Variants in CMC1 observed in about 807,000 individuals in gnomAD.
CMC1 encodes the protein COX assembly mitochondrial protein homolog.
In CMC1, 14 loss-of-function variants were observed where a neutral mutation model predicts 14.1. That is an observed-to-expected ratio of 0.99 (90% CI 0.66 to 1.55). CMC1 has a LOEUF of 1.55. Among genes scored for constraint, CMC1 ranks in the 40% most tolerant of loss-of-function variants. The pLI, the probability that CMC1 is intolerant of heterozygous loss-of-function variation, is 0.00. For missense variants in CMC1, 127 were observed against 123.8 expected, an observed-to-expected ratio of 1.03 and a Z score of -0.12; for synonymous variants, 50 against 38.4, an observed-to-expected ratio of 1.30 and a Z score of -1.12.
intron 3 of CMC1, chr3:28,319,250 T>TGGG (rs753567852): frequency 1.4e-5 from 7 of 517,142 alleles, no homozygotes; most frequent in South Asian, 1.1e-4. Context: ...TCTTTACTTG[T>TGGG]CCTTTACACC....
At chr3:28,280,911 A>T (rs1700855354) in intron 2 of CMC1, among the ~76,000 whole-genome samples, 1 of 152,214 alleles carries the variant, frequency 6.6e-6, no homozygotes, top group South Asian at 2.1e-4. Context: ...ATCTCTGTAA[A>T]CAAAGTTGTT....
At chr3:28,269,151 A>C (rs1700147477) in intron 2 of CMC1, among the ~76,000 whole-genome samples, 1 of 152,132 alleles carries the variant, frequency 6.6e-6, no homozygotes. Context: ...TATACATAGG[A>C]TTTGGTAGTA....
At chr3:28,308,567 T>A (rs772667176) in intron 2 of CMC1, among the ~76,000 whole-genome samples, 4 of 152,216 alleles carry the variant, frequency 2.6e-5, no homozygotes, top group Admixed American at 1.3e-4. Flanking sequence ...GATCAAATGA[T>A]CCTAGTTGAT....
At chr3:28,266,122 A>G (rs1699991214) in intron 2 of CMC1, among the ~76,000 whole-genome samples, 1 of 152,154 alleles carries the variant, frequency 6.6e-6, no homozygotes, top group African/African-American at 2.4e-5. Flanking sequence ...AGCTTACATG[A>G]TACCCTCTTT....
chr3:28,253,362 A>G (rs559870798), intron 1 of CMC1, among the ~76,000 whole-genome samples: 1 of 152,256 alleles, frequency 6.6e-6, no homozygotes, highest in South Asian at 2.1e-4. Context: ...GGATCGCTTG[A>G]GTCCAGGAGT....
At chr3:28,290,527 G>A (rs1701419116) in intron 2 of CMC1, among the ~76,000 whole-genome samples, 1 of 152,068 alleles carries the variant, frequency 6.6e-6, no homozygotes, top group African/African-American at 2.4e-5. Context: ...CCTACCATAG[G>A]TGACGTGATT....
At chr3:28,285,475 T>C (rs1701125684) in intron 2 of CMC1, among the ~76,000 whole-genome samples, 1 of 151,964 alleles carries the variant, frequency 6.6e-6, no homozygotes, top group Non-Finnish European at 1.5e-5. Context: ...AGCTAAGTAA[T>C]GTGTACATAA....
intron 2 of CMC1, among the ~76,000 whole-genome samples, chr3:28,293,306 A>G (rs1606387): frequency 0.21 from 31,259 of 148,788 alleles, 4,036 homozygotes; most frequent in Non-Finnish European, 0.29. Flanking sequence ...AAATAGAGGG[A>G]CTTTTTTTTT....
At chr3:28,258,456 G>T (rs1699539381) in intron 1 of CMC1, among the ~76,000 whole-genome samples, 2 of 147,708 alleles carry the variant, frequency 1.4e-5, no homozygotes, top group Admixed American at 6.7e-5. Flanking sequence ...AATTTTTGTG[G>T]TTACTGTGAA....
chr3:28,276,478 T>G (rs1398921232), intron 2 of CMC1, among the ~76,000 whole-genome samples: 2 of 152,202 alleles, frequency 1.3e-5, no homozygotes, highest in African/African-American at 2.4e-5. Flanking sequence ...AATACTTCAT[T>G]AACAATATTT....
At position 28,319,650 on chromosome 3, in the gene CMC1, CA is replaced by C. The variant is rs779837978; in HGVS notation, c.*22del. The C allele has an allele frequency of 1.9e-5, 30 of 1,582,450 alleles. No homozygotes were observed. The African/African-American group carries it at 2.7e-4, about 14-fold the overall frequency. On this transcript the variant is annotated 3_prime_UTR_variant, in exon 4 of 4. Coordinates refer to ENST00000466830, the MANE Select transcript of CMC1 (RefSeq NM_182523.2). ...TGTAGGCAGATACTCAAATGACATTCAGGAACTCTAATATTCATGGAAGTCA... is the reference window on the plus strand; with the variant it reads ...TGTAGGCAGATACTCAAATGACATTCGGAACTCTAATATTCATGGAAGTCA...
At chr3:28,297,463 C>G (rs1224523972) in intron 2 of CMC1, among the ~76,000 whole-genome samples, 1 of 151,960 alleles carries the variant, frequency 6.6e-6, no homozygotes, top group Non-Finnish European at 1.5e-5. Flanking sequence ...CTAGGTTCTA[C>G]AATGCTATTT....
At chr3:28,243,369 TCTGAA>T in intron 1 of CMC1, among the ~76,000 whole-genome samples, 1 of 152,326 alleles carries the variant, frequency 6.6e-6, no homozygotes, top group African/African-American at 2.4e-5. Flanking sequence ...TTATGGTACT[TCTGAA>T]CTTGAAGTGA....
intron 2 of CMC1, chr3:28,298,391 C>CATGTTAT (rs1029480299): frequency 2.7e-5 from 4 of 149,868 alleles, no homozygotes; most frequent in African/African-American, 9.8e-5. Context: ...GGTTAATAAC[C>CATGTTAT]TAGTTTGTGA....
At chr3:28,258,870 G>T (rs1435092311) in intron 1 of CMC1, among the ~76,000 whole-genome samples, 1 of 151,812 alleles carries the variant, frequency 6.6e-6, no homozygotes, top group Admixed American at 6.6e-5. Context: ...TGATCCGCCC[G>T]CCTCGGCCTC....
chr3:28,252,604 A>G (rs1244748322), intron 1 of CMC1, among the ~76,000 whole-genome samples: 2 of 152,158 alleles, frequency 1.3e-5, no homozygotes, highest in African/African-American at 2.4e-5. Flanking sequence ...TGCTGGTTCA[A>G]ATGGTGCTTC....
intron 1 of CMC1, among the ~76,000 whole-genome samples, chr3:28,250,471 G>T (rs956611561): frequency 2.6e-5 from 4 of 152,164 alleles, no homozygotes; most frequent in South Asian, 2.1e-4. Flanking sequence ...AGATTGCTTT[G>T]AGCTTTCTGA....
intron 1 of CMC1, among the ~76,000 whole-genome samples, chr3:28,246,420 A>T (rs905788233): frequency 6.6e-6 from 1 of 152,156 alleles, no homozygotes. Flanking sequence ...GAAGCATGAA[A>T]TGATCTGTAA....
In CMC1 at chr3:28,273,248, T is replaced by G. The variant is rs147724505; in HGVS notation, c.109+9868T>G. Among the ~76,000 whole-genome samples, 94 of 152,358 alleles carry G rather than the reference T, an allele frequency of 6.2e-4. No homozygotes were observed. In the East Asian group the frequency reaches 0.012, roughly 20 times the overall value. On this transcript the variant is annotated intron_variant, in intron 2 of 3. Coordinates refer to ENST00000466830, the MANE Select transcript of CMC1 (RefSeq NM_182523.2). ...GCACTTAGTGCTATAAATTTCCCTC[T>G]TAACACTGCTTTAGCTGCATCCCAG...
Sources: gnomAD v4.1 joint callset for allele counts (sites outside exome capture counted in the v4.1 genomes callset) on GRCh38, gnomAD v4.1.1 for gene constraint, MANE v1.5 for transcripts, NCBI Gene and HGNC (gene_info 2026-07-23, HGNC 2026-07-21) for gene names.